Variants in SART3 observed in about 807,000 individuals in gnomAD.
SART3 encodes the protein HIV-1 Tat-interacting protein of 110kDa.
A neutral mutation model predicts 122.3 loss-of-function variants in SART3; 44 were observed. The observed-to-expected ratio is 0.36, with a 90% CI of 0.28 to 0.46. The LOEUF (loss-of-function observed/expected upper bound fraction) is 0.46. SART3 is among the 20% of genes least tolerant of loss of function. The pLI is 1.00. For missense variants in SART3, 1,101 were observed against 1,229.0 expected, an observed-to-expected ratio of 0.90 and a Z score of 1.56; for synonymous variants, 442 against 454.0, an observed-to-expected ratio of 0.97 and a Z score of 0.34.
chr12:108,559,560 G>A (rs925139362), intron 1 of SART3, among the ~76,000 whole-genome samples: 13 of 151,852 alleles, frequency 8.6e-5, no homozygotes, highest in Admixed American at 8.5e-4. Context: ...AGCTACTGGG[G>A]AGGCTGAGGC....
Position 108,522,742 on chromosome 12 carries a change from G to A in SART3, c.*715C>T, listed in dbSNP as rs1047835463. ...ATGGGGAGAATTGAAGTTTGCATTT[G>A]ACATGGTATTAAACAAAACCAAAGG... On this transcript the variant is annotated 3_prime_UTR_variant, in exon 19 of 19. Coordinates refer to ENST00000546815, the MANE Select transcript of SART3 (RefSeq NM_014706.4). The A allele has an allele frequency of 1.3e-5, 2 of 152,546 alleles. No homozygotes were observed. The highest frequency in any genetic ancestry group is 2.9e-5 in the Non-Finnish European group (2 of 68,332). 9.4% of individuals were successfully genotyped at this position (152,546 alleles called of 1,614,324 possible).
intron 1 of SART3, chr12:108,560,078 A>C (rs2030427755): frequency 6.6e-6 from 1 of 152,172 alleles, no homozygotes; most frequent in Admixed American, 6.5e-5. Flanking sequence ...ACCTTTATTG[A>C]GTTTCTCTCA....
chr12:108,537,829 G>A lies in SART3; in HGVS notation c.1202-234C>T, dbSNP rs1872983567. 26 of 671,318 alleles carry A rather than the reference G, an allele frequency of 3.9e-5. No individual in the cohort carries two copies. In the South Asian group the frequency reaches 4.8e-4, roughly 12 times the overall value. The allele number at this position is 671,318 out of a possible 1,614,324, so 41.6% of individuals were successfully genotyped here. On this transcript the variant is annotated intron_variant, in intron 8 of 18. Coordinates refer to ENST00000546815, the MANE Select transcript of SART3 (RefSeq NM_014706.4). ...CCTGCAAGAAAAGTTCCAGATCAAG[G>A]AAGTTTGGAGAAAACACTACAACTT... is the stretch of plus-strand genomic sequence containing the variant.
intron 1 of SART3, among the ~76,000 whole-genome samples, chr12:108,558,977 G>A (rs561060711): frequency 2.8e-4 from 40 of 143,768 alleles, no homozygotes; most frequent in African/African-American, 1.0e-3. Context: ...AGCTTGCAGT[G>A]AGCCGAGATC....
rs1872234038 is a variant in SART3, at chr12:108,523,638, A to G, written c.2715-4T>C. ...CTGCGTCCTTCCCTTCCCCCTCCTA[A>G]AAGAGCAAACACTGAATGGACCTTT... is the stretch of plus-strand genomic sequence containing the variant. On this transcript the variant is annotated splice_polypyrimidine_tract_variant and splice_region_variant and intron_variant, in intron 18 of 18. Transcript: ENST00000546815. The G allele has an allele frequency of 1.2e-6, 2 of 1,613,854 alleles. No homozygotes were observed. Among genetic ancestry groups the G allele is most frequent in the South Asian group, 2.2e-5 (2 of 91,070 alleles).
At chr12:108,549,329 G>T in intron 1 of SART3, 115 bp from the exon 2 acceptor site, 1 of 1,185,506 alleles carries the variant, frequency 8.4e-7, no homozygotes, top group Non-Finnish European at 1.2e-6. Flanking sequence ...CGTGCTATCT[G>T]AGAAAACCAC....
intron 1 of SART3, among the ~76,000 whole-genome samples, chr12:108,553,349 G>A (rs1259289277): frequency 1.3e-5 from 2 of 152,138 alleles, no homozygotes; most frequent in South Asian, 2.1e-4. Flanking sequence ...TCCTCAAAGT[G>A]TTATCATTGA....
chr12:108,523,464 C>G lies in SART3; in HGVS notation c.2885G>C (p.Arg962Thr). ...TGTCTCCCAGCGTCCCGTTCACTTT[C>G]TCAGAAACAGCTTGGCAAAATCGGC... ...SNADFAKLFL[R>T]K Residue 962 changes from arginine (R) to threonine (T), a missense_variant, in exon 19 of 19, where the codon AGA becomes ACA. By Grantham distance (71) the Arg-to-Thr change is moderately conservative. Around this residue, in one of 2 missense-constraint regions of SART3, gnomAD observed 885 missense variants for 1,080.1 expected, o/e 0.82. Coordinates refer to ENST00000546815, the MANE Select transcript of SART3 (RefSeq NM_014706.4). The G allele has an allele frequency of 6.2e-7, 1 of 1,612,494 alleles. No individual in the cohort carries two copies. Among genetic ancestry groups the G allele is most frequent in the South Asian group, 1.1e-5 (1 of 91,008 alleles).
At chr12:108,532,046 G>A (rs2136668996) in intron 13 of SART3, 176 bp downstream of exon 13, 1 of 625,962 alleles carries the variant, frequency 1.6e-6, no homozygotes, top group Non-Finnish European at 2.9e-6. Flanking sequence ...TGCAGAATTT[G>A]AGAAGAGCTG....
At position 108,530,154 on chromosome 12, in the gene SART3, C is replaced by A. The variant is rs1385688412; in HGVS notation, c.1903G>T (p.Asp635Tyr). Residue 635 changes from aspartate (D) to tyrosine (Y), a missense_variant, in exon 15 of 19, where the codon GAT (aspartate) becomes TAT (tyrosine). Physicochemically the swap from Asp to Tyr is radical, Grantham distance 160 (BLOSUM62 -3). This residue lies in a region of SART3 where 885 missense variants were observed against 1,080.1 expected (regional missense o/e 0.82). Transcript: ENST00000546815. ...ADEDDEKEWG[D>Y]DEEEQPSKRR... Reference sequence around the variant, plus strand: ...AAGAGCTCCTTACCTTCTTCATCATCGCCCCACTCTTTCTCATCATCCTCA... The same window carrying A: ...AAGAGCTCCTTACCTTCTTCATCATAGCCCCACTCTTTCTCATCATCCTCA... 1 of 1,614,142 alleles carries A rather than the reference C, an allele frequency of 6.2e-7. No homozygotes were observed. Among genetic ancestry groups the A allele is most frequent in the Non-Finnish European group, 8.5e-7 (1 of 1,180,032 alleles).
intron 5 of SART3, among the ~76,000 whole-genome samples, chr12:108,543,955 T>C (rs933212526): frequency 2.6e-5 from 4 of 152,228 alleles, no homozygotes; most frequent in African/African-American, 9.6e-5. Context: ...AACTCACTTA[T>C]GAGTACTTCC....
At chr12:108,538,795 C>T (rs906844238) in intron 7 of SART3, 139 bp downstream of exon 7, 8 of 999,578 alleles carry the variant, frequency 8.0e-6, no homozygotes, top group Admixed American at 4.3e-5. Context: ...ACTTTCTAAA[C>T]GAGTTGGCAA....
chr12:108,559,780 C>T (rs10778646), intron 1 of SART3, among the ~76,000 whole-genome samples: 112,595 of 151,892 alleles, frequency 0.74, 43,634 homozygotes, highest in East Asian at 0.92. Context: ...AGACCTCATG[C>T]ACAGGTTTCC....
At chr12:108,538,803 C>T (rs941043767) in intron 7 of SART3, 131 bp downstream of exon 7, 3 of 1,110,842 alleles carry the variant, frequency 2.7e-6, no homozygotes, top group African/African-American at 3.1e-5. Context: ...AACGAGTTGG[C>T]AAAGAGGAGA....
At chr12:108,546,462 G>A (rs1873424753) in intron 3 of SART3, among the ~76,000 whole-genome samples, 1 of 151,326 alleles carries the variant, frequency 6.6e-6, no homozygotes, top group Non-Finnish European at 1.5e-5. Flanking sequence ...GCCTCCCAAA[G>A]TTCTGGGATT....
chr12:108,559,966 T>G (rs1354658626), intron 1 of SART3, among the ~76,000 whole-genome samples: 1 of 152,148 alleles, frequency 6.6e-6, no homozygotes, highest in Admixed American at 6.5e-5. Flanking sequence ...TCCACACAAT[T>G]CAGATCACAC....
intron 1 of SART3, among the ~76,000 whole-genome samples, chr12:108,558,049 G>A (rs181804069): frequency 1.3e-5 from 2 of 152,184 alleles, no homozygotes; most frequent in East Asian, 3.9e-4. Context: ...CATGCCTGTA[G>A]TCCGAGATAC....
intron 3 of SART3, among the ~76,000 whole-genome samples, chr12:108,545,567 G>A (rs1324787271): frequency 6.6e-6 from 1 of 152,140 alleles, no homozygotes; most frequent in East Asian, 1.9e-4. Flanking sequence ...TAAGAAGGGG[G>A]TAACAGGATC....
intron 15 of SART3, among the ~76,000 whole-genome samples, chr12:108,527,558 C>T (rs955405257): frequency 6.6e-6 from 1 of 152,204 alleles, no homozygotes; most frequent in Non-Finnish European, 1.5e-5. Context: ...CACACCACTG[C>T]GGTCACACAT....
Sources: allele counts gnomAD v4.1 joint callset (sites outside exome capture counted in the v4.1 genomes callset), GRCh38; gene constraint gnomAD v4.1.1; regional missense constraint gnomAD v4.1.1; transcripts MANE v1.5; gene names NCBI Gene and HGNC (gene_info 2026-07-23, HGNC 2026-07-21).